CORO2B: variants seen among roughly 807,000 people sequenced by gnomAD.
The protein encoded by CORO2B is coronin 2B.
Under a neutral mutation model 58.8 loss-of-function variants are expected in CORO2B, and 26 were observed. That is an observed-to-expected ratio of 0.44 (90% CI 0.32 to 0.61). The LOEUF (loss-of-function observed/expected upper bound fraction) is 0.61. Ranked by LOEUF, CORO2B falls within the 20% of genes least tolerant of loss-of-function variation. The pLI is 0.04. For synonymous variants in CORO2B, 242 were observed against 253.8 expected (o/e 0.95, Z 0.44); for missense variants, 460 against 645.1 (o/e 0.71, Z 3.11).
intron 1 of CORO2B, among the ~76,000 whole-genome samples, chr15:68,637,846 T>C (rs1036716871): frequency 1.3e-5 from 2 of 152,186 alleles, no homozygotes; most frequent in African/African-American, 4.8e-5. Flanking sequence ...CTAAAAAAAC[T>C]GCTCTCTTAC....
At chr15:68,675,421 C>G (rs1378163827) in intron 2 of CORO2B, among the ~76,000 whole-genome samples, 2 of 152,050 alleles carry the variant, frequency 1.3e-5, no homozygotes, top group African/African-American at 4.8e-5. Context: ...CCTCTGAGGG[C>G]AGGAATAGCA....
chr15:68,652,215 G>C (rs1243389049), intron 2 of CORO2B, among the ~76,000 whole-genome samples: 1 of 152,200 alleles, frequency 6.6e-6, no homozygotes, highest in Non-Finnish European at 1.5e-5. Context: ...TCTTATTCGG[G>C]CTGCCGTTGT....
chr15:68,562,112 C>T, the CORO2B span, among the ~76,000 whole-genome samples: 12 of 152,216 alleles, frequency 7.9e-5, no homozygotes, highest in African/African-American at 4.8e-5. Context: ...CACCCCTTCC[C>T]ATGCCTCCAT....
chr15:68,591,012 C>T (rs11639023), intron 1 of CORO2B, among the ~76,000 whole-genome samples: 2,164 of 152,288 alleles, frequency 0.014, 27 homozygotes, highest in Non-Finnish European at 0.02. Flanking sequence ...AGGCCCTAAG[C>T]GGCATTGAGG....
intron 2 of CORO2B, among the ~76,000 whole-genome samples, chr15:68,657,381 G>T (rs1251054783): frequency 6.6e-6 from 1 of 151,956 alleles, no homozygotes; most frequent in Non-Finnish European, 1.5e-5. Context: ...GCCAGGTGTG[G>T]TGGCATATGC....
rs1054172172 is a variant in CORO2B at position 68,727,710 on chromosome 15, T to C, written c.*1736T>C. ...TCCTCCTCCCACATTTCTGGAGCTT[T>C]TTTTTTTCCTTCCCCATTGACCTTT... On this transcript the variant is annotated 3_prime_UTR_variant, in exon 12 of 12. Transcript: ENST00000261861. 2.0e-5 allele frequency: 3 copies of C among 152,578 alleles called. No homozygotes were observed. The highest frequency in any genetic ancestry group is 7.2e-5 in the African/African-American group (3 of 41,440). 9.5% of individuals were successfully genotyped at this position (152,578 alleles called of 1,614,324 possible).
chr15:68,694,549 C>T (rs187973485), intron 2 of CORO2B, among the ~76,000 whole-genome samples: 6 of 152,292 alleles, frequency 3.9e-5, no homozygotes, highest in Admixed American at 2.6e-4. Context: ...TGCAGAAGGA[C>T]GCTCATTCAT....
chr15:68,697,280 G>A (rs1191829381), intron 3 of CORO2B, among the ~76,000 whole-genome samples: 7 of 152,084 alleles, frequency 4.6e-5, no homozygotes, highest in Admixed American at 3.3e-4. Flanking sequence ...ATAGAGAGAC[G>A]AATGAGTAAA....
chr15:68,549,937 T>C, the CORO2B span, among the ~76,000 whole-genome samples: 8 of 75,674 alleles, frequency 1.1e-4, no homozygotes, highest in African/African-American at 4.1e-4. Flanking sequence ...CAAGACTATG[T>C]CTCAAAAAAT....
chr15:68,645,994 G>A lies in CORO2B; in HGVS notation c.216+634G>A, dbSNP rs940657391. The stretch of plus-strand genomic sequence containing the variant: ...TCACCATGTTGGTCAGGCTGGTCTC[G>A]AAATCCTGACCTCAGGTGATCTGCC... On this transcript the variant is annotated intron_variant, in intron 2 of 11. Coordinates refer to ENST00000261861, the MANE Select transcript of CORO2B (RefSeq NM_006091.5). The surrounding 1 kb of genome is among the most constrained non-coding windows in gnomAD (Gnocchi z 4.5). Among the ~76,000 whole-genome samples, 7 of 151,916 alleles carry A rather than the reference G, an allele frequency of 4.6e-5. No individual in the cohort carries two copies. Among genetic ancestry groups the A allele is most frequent in the Admixed American group, 2.0e-4 (3 of 15,246 alleles).
rs1295430816 is a variant in CORO2B at position 68,724,863 on chromosome 15, T to C, written c.1312-980T>C. 4.6e-5 allele frequency among the ~76,000 whole-genome samples: 7 copies of C among 152,246 alleles called. No individual in the cohort carries two copies. The East Asian group carries it at 1.2e-3, about 25-fold the overall frequency. ...GGGCTCGGCGTTTTGTGGACATCTG[T>C]CAATATGCTTTACAGGAGAAATGGA... On this transcript the variant is annotated intron_variant, in intron 11 of 11. Transcript: ENST00000261861.
At chr15:68,530,767 G>C in the CORO2B span, among the ~76,000 whole-genome samples, 2 of 152,150 alleles carry the variant, frequency 1.3e-5, no homozygotes, top group Non-Finnish European at 2.9e-5. Context: ...TGATACTAAT[G>C]TAGTCAAACC....
At chr15:68,569,244 T>C in the CORO2B span, among the ~76,000 whole-genome samples, 1 of 152,222 alleles carries the variant, frequency 6.6e-6, no homozygotes, top group African/African-American at 2.4e-5. Flanking sequence ...CATCACAGTA[T>C]CACACAGAGT....
chr15:68,671,459 G>T (rs1902392662), intron 2 of CORO2B, among the ~76,000 whole-genome samples: 1 of 152,102 alleles, frequency 6.6e-6, no homozygotes, highest in Non-Finnish European at 1.5e-5. Context: ...TGCCTGTTCT[G>T]CCTCCCTCAC....
chr15:68,613,404 A>C (rs555277244), intron 1 of CORO2B, among the ~76,000 whole-genome samples: 2 of 152,326 alleles, frequency 1.3e-5, no homozygotes, highest in South Asian at 4.1e-4. Context: ...AGGGTTCATC[A>C]AAATAGATTG....
chr15:68,618,511 T>C (rs1900429182), intron 1 of CORO2B, among the ~76,000 whole-genome samples: 1 of 152,192 alleles, frequency 6.6e-6, no homozygotes, highest in Non-Finnish European at 1.5e-5. Context: ...AACAGTGTGA[T>C]CAAAGGCTGG....
the CORO2B span, among the ~76,000 whole-genome samples, chr15:68,551,299 C>G: frequency 6.6e-6 from 1 of 152,062 alleles, no homozygotes; most frequent in Non-Finnish European, 1.5e-5. Flanking sequence ...CCCTAACTCT[C>G]AAAGGGCTGG....
At chr15:68,692,201 C>T (rs1332940553) in intron 2 of CORO2B, among the ~76,000 whole-genome samples, 1 of 152,252 alleles carries the variant, frequency 6.6e-6, no homozygotes, top group Non-Finnish European at 1.5e-5. Context: ...TTAATTTCCT[C>T]ATACCTAATT....
At chr15:68,616,264 CA>C in intron 1 of CORO2B, among the ~76,000 whole-genome samples, 1 of 152,212 alleles carries the variant, frequency 6.6e-6, no homozygotes, top group Non-Finnish European at 1.5e-5. Flanking sequence ...CCCATCACCT[CA>C]GATGCACTTA....
Sources: gnomAD v4.1 joint callset for allele counts (sites outside exome capture counted in the v4.1 genomes callset) on GRCh38, gnomAD v4.1.1 for gene constraint, Gnocchi (gnomAD v3.1) non-coding constraint, MANE v1.5 for transcripts, NCBI Gene and HGNC (gene_info 2026-07-23, HGNC 2026-07-21) for gene names.